Variants in ZDHHC18 observed in about 807,000 individuals in gnomAD.
ZDHHC18 encodes the protein palmitoyltransferase ZDHHC18.
ZDHHC18 carries 23 observed loss-of-function variants against 37.5 expected under a neutral mutation model. The ratio of observed to expected loss-of-function variants is 0.61; its 90% CI spans 0.44 to 0.87. The LOEUF (loss-of-function observed/expected upper bound fraction) is 0.87. ZDHHC18 is among the 40% of genes least tolerant of loss of function. ZDHHC18 has a pLI of 0.00. For synonymous variants in ZDHHC18, 185 were observed against 218.7 expected, an observed-to-expected ratio of 0.85 and a Z score of 1.36; for missense variants, 406 against 525.6, an observed-to-expected ratio of 0.77 and a Z score of 2.22.
chr1:26,826,908 C>CT lies in ZDHHC18; in HGVS notation c.104_105insT (p.Gly36ArgfsTer77). On this transcript the variant is annotated frameshift_variant, in exon 1 of 8. Transcript: ENST00000374142. LOFTEE classifies it high-confidence loss of function. The surrounding 1 kb of genome is among the most constrained non-coding windows in gnomAD (Gnocchi z 5.2). ...CCCGCCGCGTCCCCGACTCCGGGCC[C>CT]CGGGCCCGCGCCGCCCGCCGCCCCC... 1 of 989,112 alleles carries CT rather than the reference C, an allele frequency of 1.0e-6. No homozygotes were observed. The highest frequency in any genetic ancestry group is 1.2e-6 in the Non-Finnish European group (1 of 834,100). The allele number at this position is 989,112 out of a possible 1,614,324, so 61.3% of individuals were successfully genotyped here.
Position 26,850,354 on chromosome 1 carries a change from T to A in ZDHHC18, c.700T>A (p.Tyr234Asn). 6.2e-7 allele frequency: 1 copy of A among 1,614,246 alleles called. No homozygotes were observed. Among genetic ancestry groups the A allele is most frequent in the Non-Finnish European group, 8.5e-7 (1 of 1,180,052 alleles). ...WVGNCVGRRN[Y>N]RFFYAFILSL... ...GGGCAACTGTGTGGGGAGACGGAAC[T>A]ATCGCTTCTTCTACGCGTTTATTCT... Residue 234 changes from tyrosine to asparagine, a missense_variant, in exon 4 of 8, where the codon TAT becomes AAT. Transcript: ENST00000374142. The surrounding 1 kb of genome is among the most constrained non-coding windows in gnomAD (Gnocchi z 6.1).
chr1:26,849,814 A>G (rs2081692748), intron 3 of ZDHHC18, among the ~76,000 whole-genome samples: 1 of 152,182 alleles, frequency 6.6e-6, no homozygotes, highest in Admixed American at 6.5e-5. Flanking sequence ...CCAGGTGACA[A>G]GTATTTTTGT....
chr1:26,850,248 G>T lies in ZDHHC18; in HGVS notation c.647-53G>T, dbSNP rs763877029. The T allele has an allele frequency of 6.3e-7, 1 of 1,595,156 alleles. No individual in the cohort carries two copies. The highest frequency in any genetic ancestry group is 8.5e-7 in the Non-Finnish European group (1 of 1,170,204). ...CCATGGGTGAGGCCGCCAAATGCCT[G>T]TGCTGGCTGCAGGCCAGCCCACACT... On this transcript the variant is annotated intron_variant, in intron 3 of 7. Coordinates refer to ENST00000374142, the MANE Select transcript of ZDHHC18 (RefSeq NM_032283.3). The surrounding 1 kb of genome is among the most constrained non-coding windows in gnomAD (Gnocchi z 6.1).
At chr1:26,835,314 C>T (rs1188218093) in intron 2 of ZDHHC18, among the ~76,000 whole-genome samples, 4 of 152,222 alleles carry the variant, frequency 2.6e-5, no homozygotes, top group Non-Finnish European at 4.4e-5. Flanking sequence ...GTGCAAAGTG[C>T]AAAAGTGGCA....
intron 1 of ZDHHC18, among the ~76,000 whole-genome samples, chr1:26,831,074 G>A (rs900927972): frequency 6.6e-6 from 1 of 152,182 alleles, no homozygotes; most frequent in East Asian, 1.9e-4. Context: ...GAGCCACTGC[G>A]CCTGGCCAAG....
intron 2 of ZDHHC18, among the ~76,000 whole-genome samples, chr1:26,842,342 ATTCAT>A (rs1448430227): frequency 6.6e-6 from 1 of 152,180 alleles, no homozygotes; most frequent in Non-Finnish European, 1.5e-5. Context: ...ACATATATTG[ATTCAT>A]TTAACTCTCA....
At chr1:26,845,662 A>G (rs542711495) in intron 2 of ZDHHC18, among the ~76,000 whole-genome samples, 29 of 152,080 alleles carry the variant, frequency 1.9e-4, no homozygotes, top group Middle Eastern at 6.8e-3. Flanking sequence ...TCCAGCCCCA[A>G]AAAACTCTTC....
intron 2 of ZDHHC18, 103 bp from the exon 3 acceptor site, chr1:26,848,505 G>A (rs2081684431): frequency 6.8e-7 from 1 of 1,461,036 alleles, no homozygotes; most frequent in Middle Eastern, 1.8e-4. Context: ...GTTACCCTGA[G>A]GCTTCTCCTG....
At position 26,826,775 on chromosome 1, in the gene ZDHHC18, G is replaced by A. The variant is rs2081558557; in HGVS notation, c.-30G>A. The A allele has an allele frequency of 1.0e-6, 1 of 967,858 alleles. No individual in the cohort carries two copies. The highest frequency in any genetic ancestry group is 1.2e-6 in the Non-Finnish European group (1 of 816,152). The allele number at this position is 967,858 out of a possible 1,614,324, so 60.0% of individuals were successfully genotyped here. On this transcript the variant is annotated 5_prime_UTR_variant, in exon 1 of 8. Transcript: ENST00000374142. The surrounding 1 kb of genome is among the most constrained non-coding windows in gnomAD (Gnocchi z 5.2). ...CCGGAGTGGCCCGGCCGGCCCGCGG[G>A]GCGCGGAGCCGAGGCCCGCGGCTGG...
At chr1:26,843,499 C>T (rs2081648616) in intron 2 of ZDHHC18, among the ~76,000 whole-genome samples, 1 of 150,340 alleles carries the variant, frequency 6.7e-6, no homozygotes, top group South Asian at 2.1e-4. Flanking sequence ...CAAAAGTATA[C>T]AAGTTGTGGC....
Position 26,854,496 on chromosome 1 carries a change from C to G in ZDHHC18, c.*653C>G, listed in dbSNP as rs917112785. The stretch of plus-strand genomic sequence containing the variant: ...GCCAGCCAGGCACCCACAGCCTCAG[C>G]TCCTGTGCAGTTCCTGGGCAGCACA... On this transcript the variant is annotated 3_prime_UTR_variant, in exon 8 of 8. Transcript: ENST00000374142. This position sits in a 1 kb window ranked among gnomAD's most constrained non-coding sequence, Gnocchi z 4.6. 6.5e-6 allele frequency: 1 copy of G among 152,740 alleles called. No individual in the cohort carries two copies. The highest frequency in any genetic ancestry group is 1.9e-4 in the East Asian group (1 of 5,196). The allele number at this position is 152,740 out of a possible 1,614,324, so 9.5% of individuals were successfully genotyped here. A position where few individuals can be genotyped will look rare whatever the true frequency, so the allele number is the denominator to read the frequency against.
intron 2 of ZDHHC18, among the ~76,000 whole-genome samples, chr1:26,843,482 G>A (rs1417272720): frequency 6.6e-6 from 1 of 150,700 alleles, no homozygotes; most frequent in East Asian, 2.0e-4. Flanking sequence ...AAGTATAATG[G>A]GCTTATCAAA....
In ZDHHC18 at chr1:26,837,346, A is replaced by G. The variant is rs2081616886; in HGVS notation, c.496+4739A>G. ...CATATTTAATATGTATAATATATTT[A>G]ACATATTTAATATGTATAATATACA... On this transcript the variant is annotated intron_variant, in intron 2 of 7. Transcript: ENST00000374142. 2.0e-5 allele frequency among the ~76,000 whole-genome samples: 3 copies of G among 147,730 alleles called. No homozygotes were observed. The Admixed American group carries it at 2.0e-4, about 10-fold the overall frequency.
chr1:26,853,218 A>G, intron 7 of ZDHHC18: 1 of 269,068 alleles, frequency 3.7e-6, no homozygotes. Context: ...TCCTGGCAGT[A>G]GGAACCCTGG....
chr1:26,851,115 T>C lies in ZDHHC18; in HGVS notation c.834-14T>C, dbSNP rs749956516. On this transcript the variant is annotated splice_polypyrimidine_tract_variant and intron_variant, in intron 5 of 7. Transcript: ENST00000374142. The stretch of plus-strand genomic sequence containing the variant: ...CCCCACCCTCCACCCATTGAAGTCC[T>C]TAACTGCCCTCACCGTGCTGGAGTT... 6.2e-7 allele frequency: 1 copy of C among 1,613,574 alleles called. No individual in the cohort carries two copies. Among genetic ancestry groups the C allele is most frequent in the South Asian group, 1.1e-5 (1 of 91,070 alleles).
intron 2 of ZDHHC18, among the ~76,000 whole-genome samples, chr1:26,846,471 C>T (rs1347920028): frequency 1.3e-5 from 2 of 150,026 alleles, no homozygotes; most frequent in South Asian, 2.1e-4. Flanking sequence ...GGACTACAGG[C>T]GCCCGCCACC....
chr1:26,855,973 TC>T lies in ZDHHC18; in HGVS notation c.*2134del. Reference sequence around the variant, plus strand: ...TGTCCCCTCTTTGTCCCCTCCACCTTCCCCTGCCTCAGGGGCTTGGAGACCC... The same window carrying T: ...TGTCCCCTCTTTGTCCCCTCCACCTTCCCTGCCTCAGGGGCTTGGAGACCC... On this transcript the variant is annotated 3_prime_UTR_variant, in exon 8 of 8. Transcript: ENST00000374142. 1 of 300,576 alleles carries T rather than the reference TC, an allele frequency of 3.3e-6. No individual in the cohort carries two copies. Among genetic ancestry groups the T allele is most frequent in the South Asian group, 2.5e-5 (1 of 39,316 alleles). The allele number at this position is 300,576 out of a possible 1,614,324, so 18.6% of individuals were successfully genotyped here.
At chr1:26,846,194 A>C (rs968361974) in intron 2 of ZDHHC18, among the ~76,000 whole-genome samples, 73 of 122,566 alleles carry the variant, frequency 6.0e-4, no homozygotes, top group Non-Finnish European at 1.8e-4. Flanking sequence ...ATCTATATAC[A>C]TACATATATA....
Position 26,850,271 on chromosome 1 carries a change from A to G in ZDHHC18, c.647-30A>G. Reference sequence around the variant, plus strand: ...CTGTGCTGGCTGCAGGCCAGCCCACACTAACCCATCGCCCCTTGCCCTTGT... The same window carrying G: ...CTGTGCTGGCTGCAGGCCAGCCCACGCTAACCCATCGCCCCTTGCCCTTGT... On this transcript the variant is annotated intron_variant, in intron 3 of 7. Transcript: ENST00000374142. This position sits in a 1 kb window ranked among gnomAD's most constrained non-coding sequence, Gnocchi z 6.1. 2 of 1,611,020 alleles carry G rather than the reference A, an allele frequency of 1.2e-6. No homozygotes were observed. The highest frequency in any genetic ancestry group is 2.2e-5 in the East Asian group (1 of 44,762).
Sources: allele counts gnomAD v4.1 joint callset (sites outside exome capture counted in the v4.1 genomes callset), GRCh38; gene constraint gnomAD v4.1.1; non-coding constraint Gnocchi (gnomAD v3.1); transcripts MANE v1.5; gene names NCBI Gene and HGNC (gene_info 2026-07-23, HGNC 2026-07-21).